AHR: variants seen among roughly 807,000 people sequenced by gnomAD.
The protein encoded by AHR is AH-receptor.
A neutral mutation model predicts 86.8 loss-of-function variants in AHR; 40 were observed. That is an observed-to-expected ratio of 0.46 (90% CI 0.36 to 0.60). The LOEUF is 0.60. Ranked by LOEUF, AHR falls within the 20% of genes least tolerant of loss-of-function variation. The pLI is 0.00. For synonymous variants in AHR, 398 were observed against 354.9 expected, an observed-to-expected ratio of 1.12 and a Z score of -1.37; for missense variants, 1,001 against 1,011.6, an observed-to-expected ratio of 0.99 and a Z score of 0.14.
At chr7:17,303,881 G>A (rs549269106) in intron 1 of AHR, among the ~76,000 whole-genome samples, 2 of 152,126 alleles carry the variant, frequency 1.3e-5, no homozygotes, top group African/African-American at 4.8e-5. Context: ...TCAATCTGGG[G>A]ATGTGACTAT....
intron 2 of AHR, among the ~76,000 whole-genome samples, chr7:17,311,191 G>A (rs1406913393): frequency 2.0e-5 from 3 of 152,014 alleles, no homozygotes; most frequent in African/African-American, 7.2e-5. Flanking sequence ...TAAGGAAATG[G>A]TCTTTTTAAA....
chr7:17,324,738 G>T (rs1782210608), intron 3 of AHR, among the ~76,000 whole-genome samples: 1 of 151,604 alleles, frequency 6.6e-6, no homozygotes, highest in Non-Finnish European at 1.5e-5. Context: ...GGAGGCAGTA[G>T]TTGCAGTGAG....
chr7:17,324,491 G>A (rs967613592), intron 3 of AHR, among the ~76,000 whole-genome samples: 2 of 152,166 alleles, frequency 1.3e-5, no homozygotes, highest in African/African-American at 2.4e-5. Flanking sequence ...AAAGGCATAT[G>A]AAGAAAATGT....
chr7:17,303,775 G>A (rs976011019), intron 1 of AHR, among the ~76,000 whole-genome samples: 1 of 151,920 alleles, frequency 6.6e-6, no homozygotes, highest in Non-Finnish European at 1.5e-5. Flanking sequence ...GGGAATTTTG[G>A]GATAGAAAAG....
At chr7:17,329,351 A>AT (rs564739316) in intron 4 of AHR, among the ~76,000 whole-genome samples, 2 of 152,006 alleles carry the variant, frequency 1.3e-5, no homozygotes, top group South Asian at 4.1e-4. Context: ...ATGGAAATGT[A>AT]TTTTTTATCA....
intron 2 of AHR, among the ~76,000 whole-genome samples, chr7:17,316,436 T>C (rs1033429360): frequency 2.0e-5 from 3 of 152,104 alleles, no homozygotes; most frequent in African/African-American, 7.2e-5. Context: ...CAGGACAACG[T>C]AGTGAGACCT....
chr7:17,300,869 A>T (rs367785180), intron 1 of AHR, among the ~76,000 whole-genome samples: 1 of 152,032 alleles, frequency 6.6e-6, no homozygotes. Context: ...AAACATGAAG[A>T]TCTCCCTGAT....
intron 10 of AHR, among the ~76,000 whole-genome samples, chr7:17,341,375 C>A (rs982931468): frequency 5.9e-5 from 9 of 152,094 alleles, no homozygotes; most frequent in African/African-American, 2.2e-4. Context: ...ATATTTTACT[C>A]TTGAGTAAAG....
chr7:17,299,329 C>G lies in AHR; in HGVS notation c.65C>G (p.Thr22Arg). ...SRKRRKPVQK[T>R]VKPIPAEGIK... ...AAGCGGCGGAAGCCGGTGCAGAAAACGTGAGTGTCCCGAGCGCGTCCTCAT... is the reference window on the plus strand; with the variant it reads ...AAGCGGCGGAAGCCGGTGCAGAAAAGGTGAGTGTCCCGAGCGCGTCCTCAT... Residue 22 changes from threonine (T) to arginine (R), a missense_variant and splice_region_variant, in exon 1 of 11, where the codon ACA becomes AGA. By Grantham distance (71) the Thr-to-Arg change is moderately conservative (BLOSUM62 -1). Transcript: ENST00000242057. The G allele has an allele frequency of 3.7e-6, 6 of 1,612,746 alleles. No individual in the cohort carries two copies. Among genetic ancestry groups the G allele is most frequent in the Non-Finnish European group, 4.2e-6 (5 of 1,179,716 alleles).
Position 17,309,266 on chromosome 7 carries a change from G to A in AHR, c.66-670G>A, listed in dbSNP as rs563629012. Among the ~76,000 whole-genome samples the A allele has an allele frequency of 4.6e-5, 7 of 152,288 alleles. No homozygotes were observed. In the East Asian group the frequency reaches 5.8e-4, roughly 13 times the overall value. On this transcript the variant is annotated intron_variant, in intron 1 of 10. Coordinates refer to ENST00000242057, the MANE Select transcript of AHR (RefSeq NM_001621.5). Reference sequence around the variant, plus strand: ...AATTAAGTATAATTATTGTCTACATGTAAAAGCAAAAGTTGCTGGTAATCA... The same window carrying A: ...AATTAAGTATAATTATTGTCTACATATAAAAGCAAAAGTTGCTGGTAATCA...
chr7:17,328,467 AC>A (rs1329496993), intron 4 of AHR, among the ~76,000 whole-genome samples: 2 of 151,994 alleles, frequency 1.3e-5, no homozygotes, highest in African/African-American at 4.8e-5. Context: ...AAGGGCAAGA[AC>A]ATCTTTTATG....
intron 9 of AHR, 191 bp downstream of exon 9, chr7:17,335,977 G>A (rs1289763800): frequency 3.7e-6 from 2 of 546,374 alleles, no homozygotes; most frequent in Non-Finnish European, 6.3e-6. Context: ...AGAGCTACAT[G>A]TGCAGAGCTA....
chr7:17,327,683 A>G, intron 3 of AHR, 76 bp from the exon 4 acceptor site: 1 of 742,498 alleles, frequency 1.3e-6, no homozygotes, highest in Non-Finnish European at 2.1e-6. Context: ...GAATTTTCAG[A>G]GATAAAAGTA....
At chr7:17,325,896 G>A (rs1027292123) in intron 3 of AHR, among the ~76,000 whole-genome samples, 8 of 152,122 alleles carry the variant, frequency 5.3e-5, no homozygotes, top group African/African-American at 1.9e-4. Context: ...AAACCCTCAT[G>A]ACACAAGTTT....
At chr7:17,331,484 A>C (rs1370709550) in intron 6 of AHR, among the ~76,000 whole-genome samples, 1 of 151,962 alleles carries the variant, frequency 6.6e-6, no homozygotes, top group East Asian at 1.9e-4. Context: ...AAATAACACG[A>C]AGCCTTGTAT....
intron 1 of AHR, among the ~76,000 whole-genome samples, chr7:17,301,412 A>G (rs1216066333): frequency 6.6e-6 from 1 of 152,074 alleles, no homozygotes; most frequent in Non-Finnish European, 1.5e-5. Context: ...AAACATGCCA[A>G]CATTGGGGAA....
chr7:17,336,562 G>A (rs1028081688), intron 9 of AHR, among the ~76,000 whole-genome samples: 9 of 152,220 alleles, frequency 5.9e-5, no homozygotes, highest in African/African-American at 2.2e-4. Flanking sequence ...ATTTTAGAAA[G>A]CAGTTGTCTG....
At chr7:17,337,849 G>A (rs899354071) in intron 9 of AHR, among the ~76,000 whole-genome samples, 7 of 151,776 alleles carry the variant, frequency 4.6e-5, no homozygotes, top group Non-Finnish European at 1.0e-4. Context: ...CTGTTGAGTT[G>A]TTTGCCTCTC....
At chr7:17,325,712 A>G (rs181746027) in intron 3 of AHR, among the ~76,000 whole-genome samples, 9 of 152,244 alleles carry the variant, frequency 5.9e-5, no homozygotes, top group Admixed American at 2.6e-4. Flanking sequence ...CAAATACCAC[A>G]TGTTCTCCCT....
Sources: allele counts gnomAD v4.1 joint callset (sites outside exome capture counted in the v4.1 genomes callset), GRCh38; gene constraint gnomAD v4.1.1; transcripts MANE v1.5; gene names NCBI Gene and HGNC (gene_info 2026-07-23, HGNC 2026-07-21).